Variants in ATP12A observed in about 807,000 individuals in gnomAD.
ATP12A encodes ATPase H+/K+ transporting non-gastric alpha2 subunit.
ATP12A carries 81 observed loss-of-function variants against 111.2 expected under a neutral mutation model. The ratio of observed to expected loss-of-function variants is 0.73; its 90% CI spans 0.61 to 0.88. The LOEUF is 0.88. Among genes scored for constraint, ATP12A ranks in the 40% least tolerant of loss-of-function variants. The pLI, the probability that ATP12A is intolerant of heterozygous loss-of-function variation, is 0.00. For missense variants in ATP12A, 1,196 were observed against 1,313.1 expected, an observed-to-expected ratio of 0.91 and a Z score of 1.38; for synonymous variants, 498 against 499.8, an observed-to-expected ratio of 1.00 and a Z score of 0.05.
Position 24,709,482 on chromosome 13 carries a change from A to C in ATP12A, c.2612A>C (p.His871Pro). 1 of 1,613,776 alleles carries C rather than the reference A, an allele frequency of 6.2e-7. No homozygotes were observed. The highest frequency in any genetic ancestry group is 8.5e-7 in the Non-Finnish European group (1 of 1,179,754). ...NQPLAVYSYL[H>P]IGLMQALGAF... ...CCGCTCGCTGTGTACTCATACCTGC[A>C]CATTGGTACGATGAGGGCGCGTCTT... Residue 871 changes from histidine to proline, a missense_variant, in exon 18 of 23, where the codon CAC (histidine) becomes CCC (proline). Coordinates refer to ENST00000381946, the MANE Select transcript of ATP12A (RefSeq NM_001676.7).
intron 2 of ATP12A, among the ~76,000 whole-genome samples, chr13:24,682,401 A>ACGTGTGTGTGTGTGTGTGTGTGTGTG (rs1555253823): frequency 3.0e-5 from 4 of 131,244 alleles, no homozygotes; most frequent in African/African-American, 1.2e-4. Flanking sequence ...TGGTGTGTGT[A>ACGTGTGTGTGTGTGTGTGTGTGTGTG]TGTGTGTGTG....
chr13:24,707,994 A>T (rs1312172278), intron 17 of ATP12A, among the ~76,000 whole-genome samples: 1 of 152,200 alleles, frequency 6.6e-6, no homozygotes, highest in Non-Finnish European at 1.5e-5. Context: ...TCAAAAAAAA[A>T]AAAGAAATGC....
intron 18 of ATP12A, 38 bp downstream of exon 18, chr13:24,709,525 C>T: frequency 6.2e-7 from 1 of 1,605,200 alleles, no homozygotes; most frequent in African/African-American, 1.3e-5. Flanking sequence ...ACACGAGGGC[C>T]TGCCCCGAGA....
rs774210036 is a variant in ATP12A, at chr13:24,681,766, C to G, written c.168+46C>G. On this transcript the variant is annotated intron_variant, in intron 2 of 22. Coordinates refer to ENST00000381946, the MANE Select transcript of ATP12A (RefSeq NM_001676.7). ...GGGTCCTGCCGGCTATGGCCCTTCC[C>G]CGCAAGAGCTTGCCCCTAGAACCCA... 14 of 1,610,478 alleles carry G rather than the reference C, an allele frequency of 8.7e-6. No homozygotes were observed. In the African/African-American group the frequency reaches 1.2e-4, roughly 14 times the overall value.
intron 13 of ATP12A, among the ~76,000 whole-genome samples, chr13:24,701,734 G>A (rs1271275512): frequency 6.6e-6 from 1 of 152,146 alleles, no homozygotes; most frequent in Non-Finnish European, 1.5e-5. Context: ...AGGAGGAAGC[G>A]TATGAAGCTT....
At chr13:24,702,191 G>T (rs1423018984) in intron 14 of ATP12A, 120 bp downstream of exon 14, 49 of 1,321,918 alleles carry the variant, frequency 3.7e-5, no homozygotes, top group African/African-American at 1.5e-5. Flanking sequence ...TGCTAGGCTT[G>T]TTTGAGCTAT....
chr13:24,704,093 G>A (rs1325365532), intron 14 of ATP12A, among the ~76,000 whole-genome samples: 2 of 152,120 alleles, frequency 1.3e-5, no homozygotes, highest in African/African-American at 4.8e-5. Flanking sequence ...CACCTCCTGG[G>A]TTCAAGCAAT....
chr13:24,692,461 C>T lies in ATP12A; in HGVS notation c.1101C>T (p.Ala367=). The T allele has an allele frequency of 6.2e-7, 1 of 1,614,036 alleles. No individual in the cohort carries two copies. The change falls in exon 9 of 23, where the codon GCC becomes GCT. Residue 367 remains alanine, a synonymous_variant. Transcript: ENST00000381946. ...TGTCGCTGACAGCAAAACGGATGGC[C>T]AAGAAGAACTGCCTGGTGAAGAACC... The part of the protein sequence containing the change: ...VTLSLTAKRM[A]KKNCLVKNLE...
At chr13:24,704,665 T>G (rs906472892) in intron 14 of ATP12A, 5 of 205,912 alleles carry the variant, frequency 2.4e-5, no homozygotes, top group African/African-American at 1.2e-4. Context: ...GACTCCAGAA[T>G]GTGCTTCTGT....
In ATP12A at chr13:24,702,063, T is replaced by G; in HGVS notation, c.2010T>G (p.Val670=). Residue 670 remains valine, a synonymous_variant, in exon 14 of 23, where the codon GTT becomes GTG. Transcript: ENST00000381946. The part of the protein sequence containing the change: ...AHRLNIAVEQ[V]NKRDAKAAVV... ...GCCTCAACATTGCTGTGGAGCAAGT[T>G]AACAAACGGTAAGCACAGGAGCAGC... 6.2e-7 allele frequency: 1 copy of G among 1,614,198 alleles called. No homozygotes were observed. Among genetic ancestry groups the G allele is most frequent in the Non-Finnish European group, 8.5e-7 (1 of 1,180,038 alleles).
chr13:24,707,137 G>T lies in ATP12A; in HGVS notation c.2284G>T (p.Asp762Tyr), dbSNP rs376366256. The change falls in exon 16 of 23, where the codon GAC becomes TAC. Residue 762 changes from aspartate (D) to tyrosine (Y), a missense_variant. Around this residue, in one of 3 missense-constraint regions of ATP12A, gnomAD observed 1,126 missense variants for 1,228.5 expected, o/e 0.92. Transcript: ENST00000381946. ...AGSDAAKNAA[D>Y]MVLLDDNFAS... The stretch of plus-strand genomic sequence containing the variant: ...TTCTGATGCAGCCAAAAATGCAGCC[G>T]ACATGGTCTTGCTGGACGACAACTT... The T allele has an allele frequency of 1.5e-5, 24 of 1,614,036 alleles. No individual in the cohort carries two copies. Among genetic ancestry groups the T allele is most frequent in the Non-Finnish European group, 7.6e-6 (9 of 1,180,024 alleles).
chr13:24,707,819 C>T (rs1305131297), intron 17 of ATP12A, among the ~76,000 whole-genome samples: 2 of 152,142 alleles, frequency 1.3e-5, no homozygotes, highest in African/African-American at 4.8e-5. Context: ...GTTGGGACTA[C>T]AGGCTTGTGC....
chr13:24,708,298 T>A (rs1875758766), intron 17 of ATP12A, among the ~76,000 whole-genome samples: 2 of 152,192 alleles, frequency 1.3e-5, no homozygotes, highest in South Asian at 4.1e-4. Context: ...TGGCTGTGGC[T>A]TACGTGGGCA....
intron 11 of ATP12A, among the ~76,000 whole-genome samples, chr13:24,697,138 CT>C (rs1875201192): frequency 6.6e-6 from 1 of 152,200 alleles, no homozygotes; most frequent in Non-Finnish European, 1.5e-5. Context: ...AGATAGCCAC[CT>C]ATTGCTCAGT....
At chr13:24,693,682 C>G (rs1875006941) in intron 10 of ATP12A, among the ~76,000 whole-genome samples, 1 of 152,186 alleles carries the variant, frequency 6.6e-6, no homozygotes, top group Non-Finnish European at 1.5e-5. Flanking sequence ...ACATCAGTGC[C>G]TTGCCGCAAT....
chr13:24,710,599 G>A lies in ATP12A; in HGVS notation c.2897+6G>A. The A allele has an allele frequency of 6.2e-7, 1 of 1,614,020 alleles. No homozygotes were observed. The highest frequency in any genetic ancestry group is 1.1e-5 in the South Asian group (1 of 91,072). ...TTCCAGCAGGGTCTCTTCAGGTACT[G>A]CCTGTGCCCGGCCTCCTGGGGCAGC... On this transcript the variant is annotated splice_donor_region_variant and intron_variant, in intron 20 of 22. Transcript: ENST00000381946.
intron 14 of ATP12A, among the ~76,000 whole-genome samples, chr13:24,705,930 C>T (rs1047292476): frequency 6.6e-6 from 1 of 152,168 alleles, no homozygotes; most frequent in South Asian, 2.1e-4. Flanking sequence ...TACTCAGCCT[C>T]CCACAGTGCT....
intron 11 of ATP12A, among the ~76,000 whole-genome samples, chr13:24,697,254 C>T (rs766402916): frequency 6.6e-6 from 1 of 152,110 alleles, no homozygotes. Context: ...ATAAATAAGT[C>T]GATGTGGACA....
At position 24,681,545 on chromosome 13, in the gene ATP12A, C is replaced by T. The variant is rs1198345107; in HGVS notation, c.10-17C>T. ...ACCCCATTTGGGGCCAATATTGCAC[C>T]TGGGCTTCTCTTTCAGAAAACCCCA... On this transcript the variant is annotated splice_polypyrimidine_tract_variant and intron_variant, in intron 1 of 22. Transcript: ENST00000381946. 1 of 1,608,050 alleles carries T rather than the reference C, an allele frequency of 6.2e-7. No homozygotes were observed. The highest frequency in any genetic ancestry group is 1.7e-5 in the Admixed American group (1 of 58,164).
Sources: gnomAD v4.1 joint callset for allele counts (sites outside exome capture counted in the v4.1 genomes callset) on GRCh38, gnomAD v4.1.1 for gene constraint, gnomAD v4.1.1 regional missense constraint, MANE v1.5 for transcripts, NCBI Gene and HGNC (gene_info 2026-07-23, HGNC 2026-07-21) for gene names.